Variants in MYO1D observed in about 807,000 individuals in gnomAD.
MYO1D encodes the protein myosin ID.
In MYO1D, 83 loss-of-function variants were observed where a neutral mutation model predicts 122.0. That is an observed-to-expected ratio of 0.68 (90% CI 0.57 to 0.82). MYO1D has a LOEUF of 0.82. MYO1D is among the 40% of genes least tolerant of loss of function. The pLI, the probability that MYO1D is intolerant of heterozygous loss-of-function variation, is 0.00. For synonymous variants in MYO1D, 464 were observed against 446.9 expected (o/e 1.04, Z -0.48); for missense variants, 1,157 against 1,269.5 (o/e 0.91, Z 1.35).
intron 10 of MYO1D, among the ~76,000 whole-genome samples, chr17:32,758,151 T>C (rs1404139315): frequency 6.6e-6 from 1 of 152,030 alleles, no homozygotes; most frequent in African/African-American, 2.4e-5. Flanking sequence ...GAGAAACATA[T>C]TAAATGGCAC....
At chr17:32,774,294 C>T (rs1359800608) in intron 4 of MYO1D, among the ~76,000 whole-genome samples, 1 of 152,208 alleles carries the variant, frequency 6.6e-6, no homozygotes, top group East Asian at 1.9e-4. Flanking sequence ...TGAGTCTTCT[C>T]TATGGGGTTT....
intron 21 of MYO1D, among the ~76,000 whole-genome samples, chr17:32,543,174 C>T (rs1459564754): frequency 1.3e-5 from 2 of 150,458 alleles, no homozygotes; most frequent in African/African-American, 4.9e-5. Context: ...TGCAGTGAGC[C>T]AAGATCATGC....
At chr17:32,738,949 A>G (rs1319551728) in intron 13 of MYO1D, among the ~76,000 whole-genome samples, 1 of 152,238 alleles carries the variant, frequency 6.6e-6, no homozygotes, top group Non-Finnish European at 1.5e-5. Flanking sequence ...AATTGTGAAC[A>G]AATCTGTAGG....
At chr17:32,677,138 T>C (rs2088823337) in intron 16 of MYO1D, among the ~76,000 whole-genome samples, 1 of 152,162 alleles carries the variant, frequency 6.6e-6, no homozygotes, top group Non-Finnish European at 1.5e-5. Flanking sequence ...CGCAGGAATA[T>C]CTAGCAAACT....
chr17:32,673,282 T>G (rs554207926), intron 16 of MYO1D, among the ~76,000 whole-genome samples: 1 of 151,792 alleles, frequency 6.6e-6, no homozygotes, highest in East Asian at 1.9e-4. Flanking sequence ...TTTTTGTATT[T>G]TAGTAGAAAC....
rs749298652 is a variant in MYO1D at position 32,605,209 on chromosome 17, G to T, written c.2742C>A (p.Asp914Glu). ...CTTTCGTATGGAACACTACAAGTTG[G>T]TCCTTTCCATTGGAGACACTCAGAC... The part of the protein sequence containing the change: ...LTGLSVSNGK[D>E]QLVVFHTKDN... The change falls in exon 21 of 22, where the codon GAC becomes GAA. Residue 914 changes from aspartate (D) to glutamate (E), a missense_variant. Asp to Glu is a conservative substitution (Grantham distance 45, BLOSUM62 2). Coordinates refer to ENST00000318217, the MANE Select transcript of MYO1D (RefSeq NM_015194.3). 1 of 1,589,452 alleles carries T rather than the reference G, an allele frequency of 6.3e-7. No homozygotes were observed. Among genetic ancestry groups the T allele is most frequent in the Non-Finnish European group, 8.6e-7 (1 of 1,161,606 alleles).
intron 1 of MYO1D, among the ~76,000 whole-genome samples, chr17:32,822,063 A>G (rs1461913992): frequency 6.6e-6 from 1 of 152,178 alleles, no homozygotes; most frequent in Non-Finnish European, 1.5e-5. Flanking sequence ...TGCTATAAAG[A>G]CACATGCACA....
intron 1 of MYO1D, among the ~76,000 whole-genome samples, chr17:32,858,475 G>A (rs1040913691): frequency 3.9e-5 from 6 of 152,116 alleles, no homozygotes; most frequent in Non-Finnish European, 8.8e-5. Context: ...ATTTTTGAAG[G>A]TTACAGGCTA....
intron 1 of MYO1D, among the ~76,000 whole-genome samples, chr17:32,796,965 C>T (rs1326949561): frequency 6.6e-6 from 1 of 151,834 alleles, no homozygotes; most frequent in African/African-American, 2.4e-5. Context: ...TAGTACACTG[C>T]ATCACTTTTG....
intron 1 of MYO1D, among the ~76,000 whole-genome samples, chr17:32,831,518 T>C (rs563706586): frequency 2.0e-5 from 3 of 152,354 alleles, no homozygotes; most frequent in African/African-American, 7.2e-5. Context: ...AAATATCTGT[T>C]TAAAGAGGAA....
intron 15 of MYO1D, among the ~76,000 whole-genome samples, chr17:32,716,423 C>T (rs1330480787): frequency 6.6e-6 from 1 of 152,162 alleles, no homozygotes; most frequent in Non-Finnish European, 1.5e-5. Context: ...AAGGCAGGGA[C>T]TTTGTTTTGT....
intron 1 of MYO1D, among the ~76,000 whole-genome samples, chr17:32,814,540 G>C (rs2090598227): frequency 6.6e-6 from 1 of 152,208 alleles, no homozygotes; most frequent in Non-Finnish European, 1.5e-5. Flanking sequence ...GTAGCCATTT[G>C]TTGGCTGTTA....
At chr17:32,588,226 T>C (rs1175081136) in intron 21 of MYO1D, among the ~76,000 whole-genome samples, 1 of 152,198 alleles carries the variant, frequency 6.6e-6, no homozygotes, top group Non-Finnish European at 1.5e-5. Context: ...AGGAAAAATG[T>C]GGATCTGCAT....
At chr17:32,767,778 G>A (rs149088422) in intron 6 of MYO1D, 26 bp from the exon 7 acceptor site, 1 of 1,481,264 alleles carries the variant, frequency 6.8e-7, no homozygotes, top group East Asian at 2.3e-5. Flanking sequence ...AAAAACTGAA[G>A]TTACAGATAT....
At chr17:32,852,784 A>G (rs1294687432) in intron 1 of MYO1D, among the ~76,000 whole-genome samples, 4 of 152,300 alleles carry the variant, frequency 2.6e-5, no homozygotes, top group Middle Eastern at 6.8e-3. Flanking sequence ...TTTAGATAAA[A>G]AAAGAAACAA....
chr17:32,764,795 T>C, intron 8 of MYO1D, 83 bp downstream of exon 8: 4 of 1,415,392 alleles, frequency 2.8e-6, no homozygotes, highest in Non-Finnish European at 4.0e-6. Context: ...CTTTCAAGAA[T>C]GTCTGAATAC....
intron 7 of MYO1D, among the ~76,000 whole-genome samples, chr17:32,766,247 C>G (rs1033875415): frequency 2.0e-5 from 3 of 152,116 alleles, no homozygotes; most frequent in Non-Finnish European, 4.4e-5. Flanking sequence ...TTATATTCCA[C>G]TCATTCAATA....
intron 21 of MYO1D, chr17:32,594,715 TA>T: frequency 2.5e-6 from 1 of 400,990 alleles, no homozygotes. Context: ...TGTTCTTACA[TA>T]AAGGGCATAT....
chr17:32,769,163 G>C (rs1467320482), intron 6 of MYO1D, among the ~76,000 whole-genome samples: 1 of 152,226 alleles, frequency 6.6e-6, no homozygotes, highest in Non-Finnish European at 1.5e-5. Context: ...TATGGGGGAT[G>C]AGTGGAGGAG....
Sources: gnomAD v4.1 joint callset for allele counts (sites outside exome capture counted in the v4.1 genomes callset) on GRCh38, gnomAD v4.1.1 for gene constraint, MANE v1.5 for transcripts, NCBI Gene and HGNC (gene_info 2026-07-23, HGNC 2026-07-21) for gene names.